NACAD: variants seen among roughly 807,000 people sequenced by gnomAD.
NACAD encodes the protein NAC-alpha domain-containing protein 1.
In NACAD, 47 loss-of-function variants were observed where a neutral mutation model predicts 98.9. The observed-to-expected ratio is 0.48, with a 90% confidence interval of 0.38 to 0.61. The LOEUF is 0.61. NACAD is among the 20% of genes least tolerant of loss of function. The probability of loss-of-function intolerance (pLI) is 0.00; values close to 1 mark genes in which losing one functional copy is unlikely to be tolerated. For missense variants in NACAD, 1,412 were observed against 1,748.2 expected (o/e 0.81, Z 3.43); for synonymous variants, 696 against 767.2 (o/e 0.91, Z 1.53).
At chr7:45,086,200 G>A (rs1026844380) in intron 1 of NACAD, 88 bp from the exon 2 acceptor site, 12 of 1,375,304 alleles carry the variant, frequency 8.7e-6, no homozygotes, top group East Asian at 2.5e-5. Context: ...CGGCTGCATA[G>A]GGCCCAGAGG....
rs1258262322 is a variant in NACAD at position 45,085,540 on chromosome 7, CG to C, written c.639del (p.Ala214ProfsTer92). 6.5e-7 allele frequency: 1 copy of C among 1,550,078 alleles called. No individual in the cohort carries two copies. The highest frequency in any genetic ancestry group is 8.7e-7 in the Non-Finnish European group (1 of 1,146,824). ...ELRDELLDSPPASPSGSYITA... is the reference protein window; with the variant it reads ...ELRDELLDSPXASPSGSYITA... Reference sequence around the variant, plus strand: ...GTAATGTAGGAGCCCGAGGGTGAGGCGGGGGGCGAGTCCAGCAGCTCATCCC... The same window carrying C: ...GTAATGTAGGAGCCCGAGGGTGAGGCGGGGGCGAGTCCAGCAGCTCATCCC... On this transcript the variant is annotated frameshift_variant, in exon 2 of 8. Coordinates refer to ENST00000490531, the MANE Select transcript of NACAD (RefSeq NM_001146334.2). LOFTEE classifies it high-confidence loss of function. This position sits in a 1 kb window ranked among gnomAD's most constrained non-coding sequence, Gnocchi z 6.1.
rs1784481665 is a variant in NACAD, at chr7:45,084,586, T to C, written c.1594A>G (p.Ile532Val). The C allele has an allele frequency of 6.4e-7, 1 of 1,551,978 alleles. No individual in the cohort carries two copies. ...GACTCTTGGCCTAAGATCTCGCTGA[T>C]GCCCTCCTGGGAGGGCTGAGGCATT... ...MAMPQPSQEGISEILGQESVT... is the reference protein window; with the variant it reads ...MAMPQPSQEGVSEILGQESVT... The change falls in exon 2 of 8, where the codon ATC becomes GTC. Residue 532 changes from isoleucine (I) to valine (V), a missense_variant. Ile to Val is a conservative substitution (Grantham distance 29). Coordinates refer to ENST00000490531, the MANE Select transcript of NACAD (RefSeq NM_001146334.2).
chr7:45,085,059 A>T lies in NACAD; in HGVS notation c.1121T>A (p.Met374Lys), dbSNP rs896173658. ...SLSDLSITEG[M>K]DEAFAFRDDT... ...GTCCCGGAAGGCAAAAGCCTCGTCC[A>T]TGCCCTCCGTGATGGACAGGTCAGA... Residue 374 changes from methionine (M) to lysine (K), a missense_variant, in exon 2 of 8, where the codon ATG becomes AAG. Physicochemically the swap from Met to Lys is moderately conservative, Grantham distance 95. This residue lies in a region of NACAD where 638 missense variants were observed against 722.7 expected (regional missense o/e 0.88). Transcript: ENST00000490531. The surrounding 1 kb of genome is among the most constrained non-coding windows in gnomAD (Gnocchi z 6.1). The T allele has an allele frequency of 3.9e-6, 6 of 1,550,932 alleles. No individual in the cohort carries two copies. The East Asian group carries it at 1.5e-4, about 38-fold the overall frequency.
At chr7:45,086,628 C>T (rs1784526925) in intron 1 of NACAD, among the ~76,000 whole-genome samples, 1 of 152,228 alleles carries the variant, frequency 6.6e-6, no homozygotes, top group Admixed American at 6.5e-5. Flanking sequence ...TGCCTCCTCT[C>T]TCTGCTGTCC....
Position 45,086,740 on chromosome 7 carries a change from C to T in NACAD, c.68-628G>A, listed in dbSNP as rs529262104. ...GAGATGGGGAAGCCAGGGGCCACCA[C>T]ACGCAGCCAAGTTTCTGGAGAACAG... is the stretch of plus-strand genomic sequence containing the variant. On this transcript the variant is annotated intron_variant, in intron 1 of 7. Coordinates refer to ENST00000490531, the MANE Select transcript of NACAD (RefSeq NM_001146334.2). 1.6e-3 allele frequency among the ~76,000 whole-genome samples: 242 copies of T among 152,378 alleles called. 2 individuals carry two copies. Among genetic ancestry groups the T allele is most frequent in the African/African-American group, 5.7e-3 (236 of 41,592 alleles).
At chr7:45,081,315 G>T (rs1478049485) in intron 4 of NACAD, 52 bp from the exon 5 acceptor site, 12 of 1,539,828 alleles carry the variant, frequency 7.8e-6, no homozygotes, top group Middle Eastern at 2.0e-4. Flanking sequence ...CCCACGTCGG[G>T]GGAGGAGAGC....
intron 2 of NACAD, 67 bp from the exon 3 acceptor site, chr7:45,081,934 C>G: frequency 6.7e-7 from 1 of 1,482,316 alleles, no homozygotes; most frequent in Admixed American, 2.0e-5. Flanking sequence ...GGTTCAGGAC[C>G]CTGGCCCTGC....
chr7:45,085,802 G>A lies in NACAD; in HGVS notation c.378C>T (p.Cys126=). The change falls in exon 2 of 8, where the codon TGC becomes TGT. Residue 126 remains cysteine (C), a synonymous_variant. Coordinates refer to ENST00000490531, the MANE Select transcript of NACAD (RefSeq NM_001146334.2). This position sits in a 1 kb window ranked among gnomAD's most constrained non-coding sequence, Gnocchi z 6.1. ...CAGCTCTGGGTGACAGGAGGGCCTG[G>A]CACGTCTCCTCTCCCATCACAATCC... is the stretch of plus-strand genomic sequence containing the variant. ...EPRIVMGEET[C]QALLSPRAAR... is the part of the protein sequence containing the mutation. The A allele has an allele frequency of 1.3e-6, 2 of 1,539,878 alleles. No homozygotes were observed. Among genetic ancestry groups the A allele is most frequent in the Middle Eastern group, 1.7e-4 (1 of 5,784 alleles).
In NACAD at chr7:45,088,907, C is replaced by A; in HGVS notation, c.-13G>T. On this transcript the variant is annotated 5_prime_UTR_variant, in exon 1 of 8. Transcript: ENST00000490531. The surrounding 1 kb of genome is among the most constrained non-coding windows in gnomAD (Gnocchi z 5.7). ...CCTCCCCAGGCATGGCCTGGCCGTG[C>A]GCCCGCCCGTCCCTCAGTCCTTCCG... 1 of 1,409,412 alleles carries A rather than the reference C, an allele frequency of 7.1e-7. No individual in the cohort carries two copies. The highest frequency in any genetic ancestry group is 9.2e-7 in the Non-Finnish European group (1 of 1,082,482). 87.3% of individuals were successfully genotyped at this position (1,409,412 alleles called of 1,614,324 possible).
chr7:45,081,270 G>A lies in NACAD; in HGVS notation c.4258-7C>T. On this transcript the variant is annotated splice_polypyrimidine_tract_variant and splice_region_variant and intron_variant, in intron 4 of 7. Coordinates refer to ENST00000490531, the MANE Select transcript of NACAD (RefSeq NM_001146334.2). The stretch of plus-strand genomic sequence containing the variant: ...AGCCCAGCTTTGACATTGCCTGGGA[G>A]TAGAGGGCAGAGGGGGGCTCAGACC... 1.9e-6 allele frequency: 3 copies of A among 1,550,960 alleles called. No homozygotes were observed. The highest frequency in any genetic ancestry group is 2.6e-6 in the Non-Finnish European group (3 of 1,146,860).
In NACAD at chr7:45,083,403, A is replaced by G. The variant is rs1461890981; in HGVS notation, c.2777T>C (p.Leu926Pro). The G allele has an allele frequency of 1.9e-6, 3 of 1,551,056 alleles. No individual in the cohort carries two copies. In the Admixed American group the frequency reaches 5.9e-5, roughly 30 times the overall value. Reference sequence around the variant, plus strand: ...GGTGGGGCCTGTGTCTTGCAGAGGCAGAGGTGCTGTCATAGCGGAGTCCTG... The same window carrying G: ...GGTGGGGCCTGTGTCTTGCAGAGGCGGAGGTGCTGTCATAGCGGAGTCCTG... ...LPQDSAMTAPLPLQDTGPTSG... is the reference protein window; with the variant it reads ...LPQDSAMTAPPPLQDTGPTSG... The change falls in exon 2 of 8, where the codon CTG becomes CCG. Residue 926 changes from leucine (L) to proline (P), a missense_variant. Physicochemically the swap from Leu to Pro is moderately conservative, Grantham distance 98 (BLOSUM62 -3). Coordinates refer to ENST00000490531, the MANE Select transcript of NACAD (RefSeq NM_001146334.2).
In NACAD at chr7:45,085,195, G is replaced by A; in HGVS notation, c.985C>T (p.Leu329=). The A allele has an allele frequency of 1.3e-6, 2 of 1,551,396 alleles. No individual in the cohort carries two copies. Among genetic ancestry groups the A allele is most frequent in the Non-Finnish European group, 1.7e-6 (2 of 1,146,900 alleles). ...TCCTCTTCTTCTTCCTCTGGGGATA[G>A]CGGTGTCACCTCCACTGCCTCCACC... ...FQVEAVEVTP[L]SPEEEEEEAV... Residue 329 remains leucine (L), a synonymous_variant, in exon 2 of 8, where the codon CTA becomes TTA. Coordinates refer to ENST00000490531, the MANE Select transcript of NACAD (RefSeq NM_001146334.2). The surrounding 1 kb of genome is among the most constrained non-coding windows in gnomAD (Gnocchi z 6.1).
chr7:45,083,041 T>C lies in NACAD; in HGVS notation c.3139A>G (p.Arg1047Gly). The C allele has an allele frequency of 6.4e-7, 1 of 1,550,924 alleles. No individual in the cohort carries two copies. Among genetic ancestry groups the C allele is most frequent in the East Asian group, 2.4e-5 (1 of 40,930 alleles). The change falls in exon 2 of 8, where the codon AGG (arginine) becomes GGG (glycine). Residue 1047 changes from arginine (R) to glycine (G), a missense_variant. Coordinates refer to ENST00000490531, the MANE Select transcript of NACAD (RefSeq NM_001146334.2). ...AGEEIAEALSRPGREACLEAR... is the reference protein window; with the variant it reads ...AGEEIAEALSGPGREACLEAR... ...TCCAGACATGCTTCCCGTCCAGGCC[T>C]AGAAAGGGCTTCTGCTATTTCCTCC...
In NACAD at chr7:45,088,681, G is replaced by A. The variant is rs1202838714; in HGVS notation, c.67+147C>T. ...AGAGAGGCGGTAGCAGGGTTCAGATGGAGGGAAGGACAGGGCGCGGAAAGG... is the reference window on the plus strand; with the variant it reads ...AGAGAGGCGGTAGCAGGGTTCAGATAGAGGGAAGGACAGGGCGCGGAAAGG... On this transcript the variant is annotated intron_variant, in intron 1 of 7. Transcript: ENST00000490531. This position sits in a 1 kb window ranked among gnomAD's most constrained non-coding sequence, Gnocchi z 5.7. 7.1e-6 allele frequency: 4 copies of A among 559,600 alleles called. No homozygotes were observed. Among genetic ancestry groups the A allele is most frequent in the East Asian group, 3.5e-5 (1 of 28,426 alleles). The allele number at this position is 559,600 out of a possible 1,614,324, so 34.7% of individuals were successfully genotyped here.
chr7:45,085,914 C>T lies in NACAD; in HGVS notation c.266G>A (p.Gly89Asp), dbSNP rs772610053. 2 of 1,545,932 alleles carry T rather than the reference C, an allele frequency of 1.3e-6. No homozygotes were observed. The highest frequency in any genetic ancestry group is 1.2e-5 in the South Asian group (1 of 83,554). Residue 89 changes from glycine to aspartate, a missense_variant, in exon 2 of 8, where the codon GGC becomes GAC. Physicochemically the swap from Gly to Asp is moderately conservative, Grantham distance 94 (BLOSUM62 -1). This residue lies in a region of NACAD where 638 missense variants were observed against 722.7 expected (regional missense o/e 0.88). Transcript: ENST00000490531. This position sits in a 1 kb window ranked among gnomAD's most constrained non-coding sequence, Gnocchi z 6.1. Reference sequence around the variant, plus strand: ...AGGGAGGAGCATGGGGCTTGGGCCGCCCTCCCCTGGGTCCGCCCAGGCCGA... The same window carrying T: ...AGGGAGGAGCATGGGGCTTGGGCCGTCCTCCCCTGGGTCCGCCCAGGCCGA... ...APSAWADPGE[G>D]GPSPMLLPEG...
At position 45,082,132 on chromosome 7, in the gene NACAD, C is replaced by T. The variant is rs1328792383; in HGVS notation, c.4048G>A (p.Glu1350Lys). Residue 1350 changes from glutamate (E) to lysine (K), a missense_variant, in exon 2 of 8, where the codon GAG (glutamate) becomes AAG (lysine). By Grantham distance (56) the Glu-to-Lys change is moderately conservative. This residue lies in a region of NACAD where 572 missense variants were observed against 639.6 expected (regional missense o/e 0.89). Coordinates refer to ENST00000490531, the MANE Select transcript of NACAD (RefSeq NM_001146334.2). This position sits in a 1 kb window ranked among gnomAD's most constrained non-coding sequence, Gnocchi z 4.5. Reference sequence around the variant, plus strand: ...CCTTCCTCCAGGCTGTCCTCATCCTCTTGCTGCTCGGGGGCTGAGAGCCCT... The same window carrying T: ...CCTTCCTCCAGGCTGTCCTCATCCTTTTGCTGCTCGGGGGCTGAGAGCCCT... Reference protein sequence around the residue: ...PQGLSAPEQQEDEDSLEEDSP... With the variant: ...PQGLSAPEQQKDEDSLEEDSP... 6.7e-7 allele frequency: 1 copy of T among 1,482,312 alleles called. No individual in the cohort carries two copies. The highest frequency in any genetic ancestry group is 1.4e-5 in the South Asian group (1 of 71,610). The allele number at this position is 1,482,312 out of a possible 1,614,324, so 91.8% of individuals were successfully genotyped here.
chr7:45,087,588 A>C (rs1784539733), intron 1 of NACAD, among the ~76,000 whole-genome samples: 2 of 152,234 alleles, frequency 1.3e-5, no homozygotes, highest in African/African-American at 4.8e-5. Flanking sequence ...CCAGGATTAG[A>C]GTTGAAGCTG....
rs1332968877 is a variant in NACAD, at chr7:45,086,073, C to T, written c.107G>A (p.Gly36Glu). The T allele has an allele frequency of 6.5e-7, 1 of 1,536,232 alleles. No homozygotes were observed. The highest frequency in any genetic ancestry group is 2.0e-5 in the Admixed American group (1 of 50,992). ...CDAAAATTIL[G>E]GDRREPCALT... ...AGCACAGGGCTCCCGCCGGTCCCCTCCCAGGATGGTGGTGGCAGCGGCCGC... is the reference window on the plus strand; with the variant it reads ...AGCACAGGGCTCCCGCCGGTCCCCTTCCAGGATGGTGGTGGCAGCGGCCGC... The change falls in exon 2 of 8, where the codon GGA (glycine) becomes GAA (glutamate). Residue 36 changes from glycine to glutamate, a missense_variant. This residue lies in a region of NACAD where 638 missense variants were observed against 722.7 expected (regional missense o/e 0.88). Transcript: ENST00000490531.
At chr7:45,081,558 G>C in intron 4 of NACAD, 43 bp downstream of exon 4, 1 of 1,548,522 alleles carries the variant, frequency 6.5e-7, no homozygotes, top group Non-Finnish European at 8.7e-7. Context: ...TCCCCACACA[G>C]ATGGTCCCAG....
Sources: gnomAD v4.1 joint callset for allele counts (sites outside exome capture counted in the v4.1 genomes callset) on GRCh38, gnomAD v4.1.1 for gene constraint, gnomAD v4.1.1 regional missense constraint, Gnocchi (gnomAD v3.1) non-coding constraint, MANE v1.5 for transcripts, NCBI Gene and HGNC (gene_info 2026-07-23, HGNC 2026-07-21) for gene names.